The following GRIP2 variants were observed in gnomAD, a reference collection of about 807,000 sequenced individuals.
The protein encoded by GRIP2 is glutamate receptor-interacting protein 2.
A neutral mutation model predicts 108.3 loss-of-function variants in GRIP2; 58 were observed. The observed-to-expected ratio is 0.54, with a 90% confidence interval of 0.43 to 0.67. GRIP2 has a LOEUF of 0.67. Ranked by LOEUF, GRIP2 falls within the 30% of genes least tolerant of loss-of-function variation. The pLI, the probability that GRIP2 is intolerant of heterozygous loss-of-function variation, is 0.00. For missense variants in GRIP2, 1,278 were observed against 1,430.6 expected, an observed-to-expected ratio of 0.89 and a Z score of 1.72; for synonymous variants, 586 against 598.2, an observed-to-expected ratio of 0.98 and a Z score of 0.30.
At chr3:14,583,833 A>G in the GRIP2 span, among the ~76,000 whole-genome samples, 7 of 152,318 alleles carry the variant, frequency 4.6e-5, no homozygotes, top group Admixed American at 3.3e-4. Context: ...TGCAACCACC[A>G]GTGTACGCCA....
At position 14,496,475 on chromosome 3, in the gene GRIP2, C is replaced by T. The variant is rs539449610; in HGVS notation, c.2765G>A (p.Arg922Gln). The part of the protein sequence containing the change: ...HRPWQRGREV[R>Q]ASPAEMEELL... ...CTCCTCCATTTCTGCAGGAGAGGCT[C>T]GTACCTCCCGGCCCCTCTGCCAAGG... Residue 922 changes from arginine to glutamine, a missense_variant, in exon 22 of 24, where the codon CGA becomes CAA. Transcript: ENST00000621039. The T allele has an allele frequency of 4.4e-5, 71 of 1,612,070 alleles. No homozygotes were observed. The highest frequency in any genetic ancestry group is 1.5e-4 in the South Asian group (14 of 90,760).
chr3:14,540,371 C>G (rs774470423), upstream of GRIP2: 64 of 1,610,970 alleles, frequency 4.0e-5, no homozygotes, highest in Non-Finnish European at 5.0e-5. The surrounding 1 kb of genome is among the most constrained non-coding windows in gnomAD (Gnocchi z 4.1). Flanking sequence ...TTGGCCCTCC[C>G]TCCCCTCCCC....
In GRIP2 at chr3:14,504,845, G is replaced by A. The variant is rs181836574; in HGVS notation, c.2573+770C>T. 1.0e-3 allele frequency among the ~76,000 whole-genome samples: 156 copies of A among 152,280 alleles called. 2 individuals carry two copies. The highest frequency in any genetic ancestry group is 3.6e-3 in the African/African-American group (148 of 41,570). ...TTCTTACAGAGCTGGAGATTCATTCGCAAAATATGTCTGAGCACCTACTAG... is the reference window on the plus strand; with the variant it reads ...TTCTTACAGAGCTGGAGATTCATTCACAAAATATGTCTGAGCACCTACTAG... On this transcript the variant is annotated intron_variant, in intron 20 of 23. Coordinates refer to ENST00000621039, the MANE Select transcript of GRIP2 (RefSeq NM_001080423.4).
At chr3:14,508,814 A>G (rs1228063304) in intron 17 of GRIP2, among the ~76,000 whole-genome samples, 2 of 152,200 alleles carry the variant, frequency 1.3e-5, no homozygotes, top group East Asian at 1.9e-4. Flanking sequence ...AACTAAATAT[A>G]TATTTAAGAT....
chr3:14,527,526 G>A (rs1253216431), intron 1 of GRIP2, among the ~76,000 whole-genome samples: 1 of 152,116 alleles, frequency 6.6e-6, no homozygotes, highest in African/African-American at 2.4e-5. Context: ...AACACCCTGG[G>A]GGTGGGCTCC....
chr3:14,584,554 G>C, the GRIP2 span, among the ~76,000 whole-genome samples: 1 of 152,228 alleles, frequency 6.6e-6, no homozygotes, highest in African/African-American at 2.4e-5. Flanking sequence ...GGATTTCGCT[G>C]TGTGGAAATC....
the GRIP2 span, among the ~76,000 whole-genome samples, chr3:14,599,685 CTGTGTGTGTG>C: frequency 3.1e-5 from 4 of 127,466 alleles, no homozygotes; most frequent in East Asian, 2.7e-4. Context: ...CTCTCTCTCT[CTGTGTGTGTG>C]TGTGTGTGTG....
chr3:14,591,059 C>A, the GRIP2 span, among the ~76,000 whole-genome samples: 9,881 of 152,250 alleles, frequency 0.065, 814 homozygotes, highest in African/African-American at 0.19. Context: ...GCACCTCACA[C>A]AGCTAACAGG....
At position 14,489,112 on chromosome 3, in the gene GRIP2, TGAG is replaced by T. The variant is rs1235021129; in HGVS notation, c.*4550_*4552del. 6.6e-6 allele frequency: 1 copy of T among 152,624 alleles called. No individual in the cohort carries two copies. Among genetic ancestry groups the T allele is most frequent in the Non-Finnish European group, 1.5e-5 (1 of 68,042 alleles). The allele number at this position is 152,624 out of a possible 1,614,324, so 9.5% of individuals were successfully genotyped here. ...AAAATCAACCAACAAGAGACTTTTC[TGAG>T]GAGGAACATTTGTATTTGAACAAGA... On this transcript the variant is annotated 3_prime_UTR_variant, in exon 24 of 24. Coordinates refer to ENST00000621039, the MANE Select transcript of GRIP2 (RefSeq NM_001080423.4).
At chr3:14,562,343 T>C in the GRIP2 span, among the ~76,000 whole-genome samples, 2 of 152,118 alleles carry the variant, frequency 1.3e-5, no homozygotes, top group Non-Finnish European at 2.9e-5. Context: ...AGAAGCCAGC[T>C]GGAGGGGTCT....
rs375469793 is a variant in GRIP2 at position 14,504,364 on chromosome 3, T to G, written c.2574-693A>C. Among the ~76,000 whole-genome samples, 12 of 143,862 alleles carry G rather than the reference T, an allele frequency of 8.3e-5. No homozygotes were observed. In the East Asian group the frequency reaches 2.4e-3, roughly 29 times the overall value. 94.4% of individuals were successfully genotyped at this position (143,862 alleles called of 152,430 possible). A position where few individuals can be genotyped will look rare whatever the true frequency, so the allele number is the denominator to read the frequency against. Reference sequence around the variant, plus strand: ...TCTTGCTCTGTCACCCAAGCTGGAGTGCAGTGGCATGATCTCGACTCACTG... The same window carrying G: ...TCTTGCTCTGTCACCCAAGCTGGAGGGCAGTGGCATGATCTCGACTCACTG... On this transcript the variant is annotated intron_variant, in intron 20 of 23. Coordinates refer to ENST00000621039, the MANE Select transcript of GRIP2 (RefSeq NM_001080423.4).
chr3:14,599,504 A>T, the GRIP2 span, among the ~76,000 whole-genome samples: 5 of 151,746 alleles, frequency 3.3e-5, no homozygotes, highest in Admixed American at 3.3e-4. Context: ...TATCTGAGGG[A>T]TTGGGGGCAA....
intron 10 of GRIP2, 129 bp downstream of exon 10, chr3:14,517,643 A>G: frequency 8.3e-7 from 1 of 1,209,284 alleles, no homozygotes; most frequent in Non-Finnish European, 1.2e-6. Flanking sequence ...CTGGGACCAC[A>G]GGCGTGCACC....
chr3:14,523,719 CCTTT>C, intron 4 of GRIP2, 21 bp from the exon 5 acceptor site: 2 of 1,534,096 alleles, frequency 1.3e-6, no homozygotes, highest in South Asian at 1.2e-5. Flanking sequence ...ATGGAGGACT[CCTTT>C]GAGTCCCTCA....
chr3:14,594,041 C>T, the GRIP2 span, among the ~76,000 whole-genome samples: 2 of 152,230 alleles, frequency 1.3e-5, no homozygotes. Context: ...CCCTGTGACT[C>T]CTCTCCTGGC....
chr3:14,496,961 C>CTTTTT (rs56751492), intron 21 of GRIP2, among the ~76,000 whole-genome samples: 1 of 136,442 alleles, frequency 7.3e-6, no homozygotes, highest in African/African-American at 2.8e-5. Context: ...AGTCAAGACT[C>CTTTTT]TTTTTTTTTT....
the GRIP2 span, among the ~76,000 whole-genome samples, chr3:14,591,417 C>T: frequency 2.6e-5 from 4 of 152,158 alleles, no homozygotes; most frequent in East Asian, 1.9e-4. Context: ...TTCCCAGCAG[C>T]GCATCTTTGG....
intron 23 of GRIP2, among the ~76,000 whole-genome samples, chr3:14,494,478 G>C (rs1433042406): frequency 6.6e-6 from 1 of 152,234 alleles, no homozygotes; most frequent in East Asian, 1.9e-4. Context: ...GCAAGGTGAT[G>C]AGTGTTGCTT....
chr3:14,593,569 G>T, the GRIP2 span, among the ~76,000 whole-genome samples: 1 of 152,192 alleles, frequency 6.6e-6, no homozygotes, highest in Non-Finnish European at 1.5e-5. Context: ...CCTGAACATG[G>T]GTTTTGTGTG....
Sources: allele counts gnomAD v4.1 joint callset (sites outside exome capture counted in the v4.1 genomes callset), GRCh38; gene constraint gnomAD v4.1.1; non-coding constraint Gnocchi (gnomAD v3.1); transcripts MANE v1.5; gene names NCBI Gene and HGNC (gene_info 2026-07-23, HGNC 2026-07-21).